The following SGCD variants were observed in gnomAD, a reference collection of about 807,000 sequenced individuals.
The protein encoded by SGCD is sarcoglycan delta, also known as delta-sarcoglycan.
In SGCD, 18 loss-of-function variants were observed where a neutral mutation model predicts 36.6. The ratio of observed to expected loss-of-function variants is 0.49; its 90% confidence interval spans 0.34 to 0.73. The LOEUF (loss-of-function observed/expected upper bound fraction) is 0.73. SGCD is among the 30% of genes least tolerant of loss of function. SGCD has a pLI of 0.01. For missense variants in SGCD, 387 were observed against 346.7 expected (o/e 1.12, Z -0.92); for synonymous variants, 133 against 130.6 (o/e 1.02, Z -0.12).
chr5:156,484,783 G>C (rs552394038), intron 3 of SGCD, among the ~76,000 whole-genome samples: 2 of 152,262 alleles, frequency 1.3e-5, no homozygotes, highest in South Asian at 2.1e-4. Flanking sequence ...TTTTTCTCGG[G>C]TCCCCTTGGA....
chr5:156,543,466 G>T (rs191189167), intron 4 of SGCD, among the ~76,000 whole-genome samples: 267 of 152,292 alleles, frequency 1.8e-3, no homozygotes, highest in African/African-American at 6.1e-3. Context: ...ACCTCAGGCA[G>T]TATGTTGCTG....
intron 7 of SGCD, among the ~76,000 whole-genome samples, chr5:156,688,862 T>C (rs570353085): frequency 2.0e-5 from 3 of 152,326 alleles, no homozygotes; most frequent in East Asian, 1.9e-4. Flanking sequence ...AATAGGAACA[T>C]TGAGGCTCAG....
chr5:156,124,171 A>G (rs1756079589), intron 3 of SGCD, among the ~76,000 whole-genome samples: 1 of 152,206 alleles, frequency 6.6e-6, no homozygotes, highest in Non-Finnish European at 1.5e-5. Flanking sequence ...TTGAAAAGAT[A>G]CCATCACTTA....
intron 3 of SGCD, among the ~76,000 whole-genome samples, chr5:156,282,840 T>C (rs975885686): frequency 2.0e-5 from 3 of 152,200 alleles, no homozygotes; most frequent in Non-Finnish European, 4.4e-5. Context: ...ATGTCTGTGA[T>C]GTTCCATTGA....
intron 3 of SGCD, among the ~76,000 whole-genome samples, chr5:156,376,738 A>G (rs1277486017): frequency 6.6e-6 from 1 of 152,208 alleles, no homozygotes; most frequent in African/African-American, 2.4e-5. Context: ...AGAAAATTAT[A>G]CTTTTAGGAG....
chr5:156,062,304 T>G (rs1267865498), intron 1 of SGCD, among the ~76,000 whole-genome samples: 1 of 34,144 alleles, frequency 2.9e-5, no homozygotes, highest in African/African-American at 2.6e-4. Flanking sequence ...GGTGTATATG[T>G]GCCACATTTT....
chr5:155,767,724 C>T, the SGCD span, among the ~76,000 whole-genome samples: 1 of 152,174 alleles, frequency 6.6e-6, no homozygotes, highest in Non-Finnish European at 1.5e-5. Context: ...TGCCTTCATG[C>T]ATCATCTGTT....
At chr5:156,008,107 C>G (rs1581039267) in intron 1 of SGCD, among the ~76,000 whole-genome samples, 2 of 152,082 alleles carry the variant, frequency 1.3e-5, no homozygotes, top group Admixed American at 1.3e-4. Flanking sequence ...CCTATGGCTG[C>G]TATAAAAAAA....
intron 1 of SGCD, among the ~76,000 whole-genome samples, chr5:155,987,409 CATT>C (rs1758352656): frequency 6.6e-6 from 1 of 152,288 alleles, no homozygotes; most frequent in South Asian, 2.1e-4. Context: ...TTTGGTTTCT[CATT>C]ATCCTCTGGC....
chr5:155,793,250 C>T, the SGCD span, among the ~76,000 whole-genome samples: 1 of 152,070 alleles, frequency 6.6e-6, no homozygotes, highest in South Asian at 2.1e-4. Flanking sequence ...CTGGGGACTA[C>T]TAGGGAGGCT....
intron 1 of SGCD, among the ~76,000 whole-genome samples, chr5:155,887,031 C>G (rs1756020349): frequency 6.6e-6 from 1 of 152,124 alleles, no homozygotes; most frequent in African/African-American, 2.4e-5. Flanking sequence ...TTCCTGGTGT[C>G]CCTTTTATTT....
intron 1 of SGCD, among the ~76,000 whole-genome samples, chr5:156,076,940 AG>A (rs1760802174): frequency 6.6e-6 from 1 of 152,196 alleles, no homozygotes; most frequent in African/African-American, 2.4e-5. Flanking sequence ...CATGGCCTTA[AG>A]ATTGGGCCAA....
chr5:156,250,853 A>C (rs994875081), intron 3 of SGCD, among the ~76,000 whole-genome samples: 1 of 152,214 alleles, frequency 6.6e-6, no homozygotes, highest in Non-Finnish European at 1.5e-5. Flanking sequence ...AATGCTGTGT[A>C]AGTCTGTAGG....
chr5:156,260,379 ATTTAGATATCAAT>A (rs1041887458), intron 3 of SGCD, among the ~76,000 whole-genome samples: 3 of 152,168 alleles, frequency 2.0e-5, no homozygotes, highest in African/African-American at 4.8e-5. Flanking sequence ...CAAATTGAAC[ATTTAGATATCAAT>A]TTCTAGGTCT....
chr5:156,418,309 C>A lies in SGCD; in HGVS notation c.192+73632C>A, dbSNP rs186078902. Reference sequence around the variant, plus strand: ...TTTGGTTGCAGATAACATAAATTGACTCTGATCCTAAGCAGAAAGGATATT... The same window carrying A: ...TTTGGTTGCAGATAACATAAATTGAATCTGATCCTAAGCAGAAAGGATATT... On this transcript the variant is annotated intron_variant, in intron 3 of 8. Transcript: ENST00000337851. 2.6e-5 allele frequency among the ~76,000 whole-genome samples: 4 copies of A among 152,254 alleles called. No homozygotes were observed. In the East Asian group the frequency reaches 7.7e-4, roughly 29 times the overall value.
At chr5:156,561,377 T>C (rs1247395181) in intron 4 of SGCD, among the ~76,000 whole-genome samples, 2 of 152,204 alleles carry the variant, frequency 1.3e-5, no homozygotes, top group Admixed American at 6.5e-5. Context: ...ATTGCCTGAA[T>C]AAATTAAAAA....
chr5:156,033,269 A>T (rs1256091452), intron 1 of SGCD, among the ~76,000 whole-genome samples: 1 of 152,140 alleles, frequency 6.6e-6, no homozygotes, highest in Non-Finnish European at 1.5e-5. Context: ...AGGGGATACA[A>T]GTGCAGGTTT....
At chr5:156,078,097 A>T (rs935086440) in intron 1 of SGCD, among the ~76,000 whole-genome samples, 10 of 152,032 alleles carry the variant, frequency 6.6e-5, no homozygotes, top group African/African-American at 2.4e-4. Flanking sequence ...AAATCTAGGG[A>T]AGGTGGTAGA....
chr5:155,754,624 G>A, the SGCD span, among the ~76,000 whole-genome samples: 247 of 152,306 alleles, frequency 1.6e-3, 1 homozygote, highest in African/African-American at 5.5e-3. Flanking sequence ...ATGTTATGGC[G>A]TCAGTTATAA....
Sources: gnomAD v4.1 joint callset for allele counts (sites outside exome capture counted in the v4.1 genomes callset) on GRCh38, gnomAD v4.1.1 for gene constraint, MANE v1.5 for transcripts, NCBI Gene and HGNC (gene_info 2026-07-23, HGNC 2026-07-21) for gene names.